Variants in HSF2 observed in about 807,000 individuals in gnomAD.
The protein encoded by HSF2 is heat shock transcription factor 2, also known as heat shock factor protein 2.
In HSF2, 21 loss-of-function variants were observed where a neutral mutation model predicts 65.0. That is an observed-to-expected ratio of 0.32 (90% confidence interval 0.23 to 0.47). The LOEUF is 0.47. Ranked by LOEUF, HSF2 falls within the 20% of genes least tolerant of loss-of-function variation. The pLI is 1.00. For missense variants in HSF2, 499 were observed against 628.1 expected (o/e 0.79, Z 2.20); for synonymous variants, 225 against 219.1 (o/e 1.03, Z -0.24).
chr6:122,431,981 C>T lies in HSF2; in HGVS notation c.1372C>T (p.Pro458Ser). The part of the protein sequence containing the change: ...FPLLAFLDGN[P>S]ASSVEQASTT... ...ACTTCTTGCATTCCTCGATGGGAACCCTGCTTCTTCTGTTGAACAGGCGAG... is the reference window on the plus strand; with the variant it reads ...ACTTCTTGCATTCCTCGATGGGAACTCTGCTTCTTCTGTTGAACAGGCGAG... The change falls in exon 13 of 13, where the codon CCT becomes TCT. Residue 458 changes from proline to serine, a missense_variant. Coordinates refer to ENST00000368455, the MANE Select transcript of HSF2 (RefSeq NM_004506.4). 2 of 1,613,996 alleles carry T rather than the reference C, an allele frequency of 1.2e-6. No individual in the cohort carries two copies. Among genetic ancestry groups the T allele is most frequent in the Middle Eastern group, 1.6e-4 (1 of 6,062 alleles).
At chr6:122,418,533 A>C (rs45553732) in intron 5 of HSF2, among the ~76,000 whole-genome samples, 83 of 152,358 alleles carry the variant, frequency 5.4e-4, no homozygotes, top group African/African-American at 2.0e-3. Context: ...ATTAAAGATT[A>C]GCTTCCCTTG....
chr6:122,404,552 A>C (rs1773819789), intron 1 of HSF2, among the ~76,000 whole-genome samples: 1 of 152,192 alleles, frequency 6.6e-6, no homozygotes, highest in Non-Finnish European at 1.5e-5. Flanking sequence ...TGGCTGAAGT[A>C]TTAGATTATT....
intron 7 of HSF2, among the ~76,000 whole-genome samples, chr6:122,421,079 A>C (rs1052188542): frequency 7.2e-5 from 11 of 151,926 alleles, no homozygotes; most frequent in Non-Finnish European, 2.9e-5. Flanking sequence ...TAATGTGATT[A>C]TATATTCTTA....
chr6:122,426,622 G>C (rs1019263455), intron 10 of HSF2, among the ~76,000 whole-genome samples: 1 of 152,030 alleles, frequency 6.6e-6, no homozygotes, highest in Non-Finnish European at 1.5e-5. Context: ...GGTAAGAAAG[G>C]AGAAGGAAAT....
intron 7 of HSF2, among the ~76,000 whole-genome samples, chr6:122,420,700 CTTTTTTTTTTTTTTTTTTTTTT>C (rs59305295): frequency 4.2e-4 from 12 of 28,572 alleles, no homozygotes; most frequent in African/African-American, 1.5e-3. Flanking sequence ...TTATTCATTT[CTTTTTTTTTTTTTTTTTTTTTT>C]TTTTTTTGAG....
intron 1 of HSF2, among the ~76,000 whole-genome samples, chr6:122,410,079 G>C (rs1476282703): frequency 6.6e-6 from 1 of 151,462 alleles, no homozygotes; most frequent in Admixed American, 6.6e-5. Flanking sequence ...ATCTGTATTG[G>C]GTAGGGTTAA....
At chr6:122,413,361 T>A (rs1329992818) in intron 3 of HSF2, among the ~76,000 whole-genome samples, 164 bp from the exon 4 acceptor site, 1 of 152,010 alleles carries the variant, frequency 6.6e-6, no homozygotes, top group East Asian at 1.9e-4. Flanking sequence ...TTCTCTCCCA[T>A]TGAGCTCTGA....
At chr6:122,416,140 G>T in intron 4 of HSF2, 81 bp from the exon 5 acceptor site, 1 of 828,948 alleles carries the variant, frequency 1.2e-6, no homozygotes, top group Middle Eastern at 2.3e-4. Context: ...CAGTTGTCTG[G>T]TATTCTTAAT....
At chr6:122,400,276 G>A (rs113799104) in intron 1 of HSF2, among the ~76,000 whole-genome samples, 1,940 of 152,280 alleles carry the variant, frequency 0.013, 48 homozygotes, top group African/African-American at 0.045. Context: ...TATAGGAGGC[G>A]ATCTTTACCT....
At chr6:122,416,971 G>T (rs997985579) in intron 5 of HSF2, among the ~76,000 whole-genome samples, 5 of 152,130 alleles carry the variant, frequency 3.3e-5, no homozygotes, top group African/African-American at 1.2e-4. Context: ...GAGTAAACTA[G>T]ACTCTGAGTT....
intron 8 of HSF2, among the ~76,000 whole-genome samples, 187 bp from the exon 9 acceptor site, chr6:122,422,531 C>G (rs1774259026): frequency 6.6e-6 from 1 of 152,134 alleles, no homozygotes. Context: ...GAGTTAAGCA[C>G]TTCTCATTCA....
intron 7 of HSF2, 62 bp from the exon 8 acceptor site, chr6:122,422,088 A>G (rs556437681): frequency 1.7e-4 from 203 of 1,162,314 alleles, no homozygotes; most frequent in South Asian, 1.4e-3. Flanking sequence ...TTTGTAGATG[A>G]TATCTTGTTT....
chr6:122,427,427 T>C (rs911808199), intron 10 of HSF2, among the ~76,000 whole-genome samples: 1 of 152,030 alleles, frequency 6.6e-6, no homozygotes, highest in African/African-American at 2.4e-5. Context: ...AGATATGCCA[T>C]CTGTCAGAGG....
At chr6:122,399,868 T>C in intron 1 of HSF2, 38 bp downstream of exon 1, 1 of 1,446,918 alleles carries the variant, frequency 6.9e-7, no homozygotes, top group Non-Finnish European at 9.7e-7. Context: ...ACCCCCTGAA[T>C]AACCGCCTCC....
chr6:122,411,742 A>G (rs1773999900), intron 1 of HSF2, among the ~76,000 whole-genome samples: 1 of 151,720 alleles, frequency 6.6e-6, no homozygotes, highest in Non-Finnish European at 1.5e-5. Context: ...GGCAGGGTTT[A>G]TTTCTGGGCT....
chr6:122,419,981 G>C (rs535102856), intron 6 of HSF2, among the ~76,000 whole-genome samples, 154 bp from the exon 7 acceptor site: 2 of 152,214 alleles, frequency 1.3e-5, no homozygotes, highest in South Asian at 4.2e-4. Context: ...CTGTTCCTAA[G>C]ATGTAATCAT....
At chr6:122,403,162 G>C (rs1040731864) in intron 1 of HSF2, among the ~76,000 whole-genome samples, 1 of 151,864 alleles carries the variant, frequency 6.6e-6, no homozygotes, top group Non-Finnish European at 1.5e-5. Context: ...AATTTTCCTC[G>C]AAATTTGCAA....
At chr6:122,421,882 A>G (rs1171857590) in intron 7 of HSF2, among the ~76,000 whole-genome samples, 1 of 152,104 alleles carries the variant, frequency 6.6e-6, no homozygotes, top group East Asian at 1.9e-4. Flanking sequence ...ATCTTTCCAT[A>G]GAAACATTTT....
chr6:122,423,260 T>C (rs1017533160), intron 9 of HSF2, among the ~76,000 whole-genome samples: 4 of 152,166 alleles, frequency 2.6e-5, no homozygotes, highest in Non-Finnish European at 4.4e-5. Context: ...TCTAGTAAGG[T>C]ACTTATAACA....
Sources: allele counts gnomAD v4.1 joint callset (sites outside exome capture counted in the v4.1 genomes callset), GRCh38; gene constraint gnomAD v4.1.1; transcripts MANE v1.5; gene names NCBI Gene and HGNC (gene_info 2026-07-23, HGNC 2026-07-21).